ST7: variants seen among roughly 807,000 people sequenced by gnomAD.
ST7 encodes the protein suppression of tumorigenicity 7.
A neutral mutation model predicts 78.7 loss-of-function variants in ST7; 28 were observed. The observed-to-expected ratio is 0.36, with a 90% CI of 0.26 to 0.49. The LOEUF (loss-of-function observed/expected upper bound fraction) is 0.49. Ranked by LOEUF, ST7 falls within the 20% of genes least tolerant of loss-of-function variation. ST7 has a pLI of 0.99. For synonymous variants in ST7, 247 were observed against 249.6 expected, an observed-to-expected ratio of 0.99 and a Z score of 0.10; for missense variants, 418 against 696.0, an observed-to-expected ratio of 0.60 and a Z score of 4.49.
chr7:116,955,233 C>T, intron 1 of ST7: 2 of 402,206 alleles, frequency 5.0e-6, no homozygotes, highest in Non-Finnish European at 1.0e-5. Context: ...AATGGAATTA[C>T]GTATTTGTTG....
At position 117,145,179 on chromosome 7, in the gene ST7, T is replaced by C. The variant is rs542026000; in HGVS notation, c.963+6647T>C. Among the ~76,000 whole-genome samples the C allele has an allele frequency of 2.0e-5, 3 of 151,090 alleles. No homozygotes were observed. In the East Asian group the frequency reaches 5.8e-4, roughly 29 times the overall value. The stretch of plus-strand genomic sequence containing the variant: ...ATGATTGTGCTACTGCATTCCAGCC[T>C]GGGCAACAGAATGAGACCCCATCTC... On this transcript the variant is annotated intron_variant, in intron 9 of 15. Transcript: ENST00000323984.
chr7:117,078,203 T>C (rs978842846), intron 1 of ST7, among the ~76,000 whole-genome samples: 6 of 152,354 alleles, frequency 3.9e-5, no homozygotes, highest in Non-Finnish European at 7.3e-5. Context: ...AACTCATAGG[T>C]GCAGCCATGT....
intron 9 of ST7, among the ~76,000 whole-genome samples, chr7:117,142,920 G>A (rs1315912810): frequency 6.6e-6 from 1 of 152,098 alleles, no homozygotes; most frequent in African/African-American, 2.4e-5. Flanking sequence ...CAGACATCGG[G>A]TTTTATCCAC....
chr7:117,156,582 T>A (rs537215422), intron 9 of ST7, among the ~76,000 whole-genome samples: 21 of 152,220 alleles, frequency 1.4e-4, no homozygotes, highest in African/African-American at 4.8e-4. Context: ...TTGAATAGGA[T>A]CATGTATGTG....
intron 1 of ST7, among the ~76,000 whole-genome samples, chr7:117,001,755 A>C (rs963557326): frequency 6.6e-6 from 1 of 152,040 alleles, no homozygotes; most frequent in African/African-American, 2.4e-5. Context: ...GGTATATTTA[A>C]AAAAAAGTGG....
rs937597786 is a variant in ST7 at position 117,190,230 on chromosome 7, C to T, written c.1152-604C>T. 3.0e-5 allele frequency: 5 copies of T among 167,266 alleles called. No homozygotes were observed. Among genetic ancestry groups the T allele is most frequent in the Non-Finnish European group, 7.3e-5 (5 of 68,250 alleles). The allele number at this position is 167,266 out of a possible 1,614,324, so 10.4% of individuals were successfully genotyped here. On this transcript the variant is annotated intron_variant, in intron 11 of 15. Transcript: ENST00000323984. This position sits in a 1 kb window ranked among gnomAD's most constrained non-coding sequence, Gnocchi z 5.2. ...GTCACAGCTTCCCCTGTGGTGTCTG[C>T]CTGCCAAGCACAGCTCTGGAGTTAG...
At chr7:116,958,675 A>T in intron 1 of ST7, 1 of 471,174 alleles carries the variant, frequency 2.1e-6, no homozygotes, top group South Asian at 1.5e-5. Context: ...GTTCCCGGCC[A>T]CTGCAATAAA....
chr7:116,957,398 A>G (rs1358915077), intron 1 of ST7, among the ~76,000 whole-genome samples: 1 of 152,008 alleles, frequency 6.6e-6, no homozygotes, highest in African/African-American at 2.4e-5. Flanking sequence ...GAGTCTTAGT[A>G]TGTTACCTAG....
At chr7:117,124,338 A>G (rs1422054692) in intron 3 of ST7, among the ~76,000 whole-genome samples, 1 of 152,086 alleles carries the variant, frequency 6.6e-6, no homozygotes, top group African/African-American at 2.4e-5. Flanking sequence ...TATTATTATT[A>G]TCTCTCTTTT....
At chr7:116,972,398 T>C (rs1276508432) in intron 1 of ST7, 37 of 683,872 alleles carry the variant, frequency 5.4e-5, no homozygotes, top group Non-Finnish European at 9.3e-5. Flanking sequence ...TCAGCAGGAC[T>C]CAGACACTTC....
At chr7:117,040,320 C>T (rs564643104) in intron 1 of ST7, among the ~76,000 whole-genome samples, 3 of 151,696 alleles carry the variant, frequency 2.0e-5, no homozygotes, top group African/African-American at 7.3e-5. Flanking sequence ...TGCAGTGAGC[C>T]GAAATCGCAG....
chr7:117,026,316 CTA>C (rs768052994), intron 1 of ST7, among the ~76,000 whole-genome samples: 10 of 152,212 alleles, frequency 6.6e-5, no homozygotes, highest in Admixed American at 6.5e-4. Context: ...CATTTATAGA[CTA>C]TAAATTGTAT....
intron 10 of ST7, among the ~76,000 whole-genome samples, chr7:117,181,237 G>A: frequency 6.6e-6 from 1 of 152,156 alleles, no homozygotes; most frequent in East Asian, 1.9e-4. Flanking sequence ...CTTAGAAGCA[G>A]GTTTTCAGGG....
At chr7:117,216,812 G>T (rs1792723903) in intron 13 of ST7, among the ~76,000 whole-genome samples, 1 of 138,150 alleles carries the variant, frequency 7.2e-6, no homozygotes, top group Non-Finnish European at 1.6e-5. Context: ...ACATGAGAGA[G>T]ATTTTAAGAG....
intron 1 of ST7, among the ~76,000 whole-genome samples, chr7:117,079,283 G>A (rs540977885): frequency 3.9e-4 from 59 of 152,248 alleles, no homozygotes; most frequent in Non-Finnish European, 7.4e-5. Context: ...CAAATACTAT[G>A]ACATTTTATG....
chr7:117,079,654 T>C (rs1359098375), intron 1 of ST7, among the ~76,000 whole-genome samples: 1 of 152,148 alleles, frequency 6.6e-6, no homozygotes, highest in Non-Finnish European at 1.5e-5. Context: ...CTTTAGAAAA[T>C]AGCCTGTATT....
At chr7:117,024,118 T>C (rs1277335587) in intron 1 of ST7, among the ~76,000 whole-genome samples, 1 of 152,174 alleles carries the variant, frequency 6.6e-6, no homozygotes, top group East Asian at 1.9e-4. Flanking sequence ...CTGGCTGATT[T>C]AATGATATAT....
intron 1 of ST7, among the ~76,000 whole-genome samples, chr7:117,027,463 A>AAAGGTAAAGTAAAGTAAAGTAAAGT (rs61692677): frequency 7.1e-6 from 1 of 140,630 alleles, no homozygotes; most frequent in African/African-American, 2.8e-5. Context: ...AAAGTAAAGT[A>AAAGGTAAAGTAAAGTAAAGTAAAGT]AAAGTAAAGT....
intron 1 of ST7, among the ~76,000 whole-genome samples, chr7:116,990,554 T>G (rs1367595631): frequency 6.6e-6 from 1 of 152,222 alleles, no homozygotes; most frequent in East Asian, 1.9e-4. Flanking sequence ...TGGATTACTT[T>G]CTCTTTGTGA....
Sources: gnomAD v4.1 joint callset for allele counts (sites outside exome capture counted in the v4.1 genomes callset) on GRCh38, gnomAD v4.1.1 for gene constraint, Gnocchi (gnomAD v3.1) non-coding constraint, MANE v1.5 for transcripts, NCBI Gene and HGNC (gene_info 2026-07-23, HGNC 2026-07-21) for gene names.